The following DOCK8 variants were observed in gnomAD, a reference collection of about 807,000 sequenced individuals.
DOCK8 encodes dedicator of cytokinesis protein 8.
DOCK8 carries 141 observed loss-of-function variants against 245.6 expected under a neutral mutation model. The ratio of observed to expected loss-of-function variants is 0.57; its 90% confidence interval spans 0.50 to 0.66. The LOEUF (loss-of-function observed/expected upper bound fraction) is 0.66. Ranked by LOEUF, DOCK8 falls within the 30% of genes least tolerant of loss-of-function variation. DOCK8 has a pLI of 0.00. For missense variants in DOCK8, 2,965 were observed against 2,603.4 expected (o/e 1.14, Z -3.02); for synonymous variants, 1,168 against 970.2 (o/e 1.20, Z -3.79).
upstream of DOCK8, chr9:214,683 A>AG (rs1400744927): frequency 6.3e-7 from 1 of 1,582,578 alleles, no homozygotes; most frequent in African/African-American, 1.4e-5. Flanking sequence ...CCCCGGGCAG[A>AG]GCGCGCCGTC....
chr9:414,750 A>T, intron 28 of DOCK8, 32 bp from the exon 29 acceptor site: 12 of 1,614,064 alleles, frequency 7.4e-6, no homozygotes, highest in Non-Finnish European at 1.0e-5. Flanking sequence ...TCCTTTCACC[A>T]TAACCTCTTG....
At chr9:406,179 A>G (rs745652468) in intron 27 of DOCK8, among the ~76,000 whole-genome samples, 2 of 152,164 alleles carry the variant, frequency 1.3e-5, no homozygotes, top group African/African-American at 2.4e-5. Context: ...AAGTCTGACA[A>G]TGTGCTTAAG....
chr9:230,046 C>A (rs926868691), intron 1 of DOCK8, among the ~76,000 whole-genome samples: 4 of 146,226 alleles, frequency 2.7e-5, no homozygotes, highest in South Asian at 4.5e-4. Context: ...TAATGCTATC[C>A]CTCACCCCTC....
intron 5 of DOCK8, among the ~76,000 whole-genome samples, chr9:307,969 C>G (rs2049926845): frequency 6.6e-6 from 1 of 152,138 alleles, no homozygotes; most frequent in South Asian, 2.1e-4. Context: ...AAGACTAATA[C>G]TGCATGATCT....
At chr9:341,466 G>T (rs1210738524) in intron 14 of DOCK8, among the ~76,000 whole-genome samples, 2 of 152,178 alleles carry the variant, frequency 1.3e-5, no homozygotes, top group African/African-American at 2.4e-5. Context: ...AAATGACATT[G>T]TTGTTTTCTG....
At position 434,992 on chromosome 9, in the gene DOCK8, T is replaced by G. The variant is rs2056848290; in HGVS notation, c.5079+17T>G. 2 of 1,611,200 alleles carry G rather than the reference T, an allele frequency of 1.2e-6. No individual in the cohort carries two copies. Among genetic ancestry groups the G allele is most frequent in the Non-Finnish European group, 1.7e-6 (2 of 1,179,826 alleles). On this transcript the variant is annotated intron_variant, in intron 39 of 47. Transcript: ENST00000432829. ...AGCTTCCAGGTAGGGTGTGTGCAGC[T>G]TTTCCCTTAGAGCAGTGGTTCTCAA...
At chr9:306,813 G>T (rs1289503180) in intron 5 of DOCK8, among the ~76,000 whole-genome samples, 2 of 152,206 alleles carry the variant, frequency 1.3e-5, no homozygotes, top group African/African-American at 2.4e-5. Flanking sequence ...TCTAGGGGAA[G>T]ATCTTGGAGT....
intron 33 of DOCK8, among the ~76,000 whole-genome samples, chr9:425,920 G>A (rs184979886): frequency 1.3e-5 from 2 of 152,160 alleles, no homozygotes; most frequent in African/African-American, 4.8e-5. Flanking sequence ...AGTCCTCAGT[G>A]GTATGTAAGC....
Position 391,850 on chromosome 9 carries a change from G to GA in DOCK8, c.2970+1285dup, listed in dbSNP as rs369896215. On this transcript the variant is annotated intron_variant, in intron 24 of 47. Coordinates refer to ENST00000432829, the MANE Select transcript of DOCK8 (RefSeq NM_203447.4). ...TTTTTTTTTTTTTTTTTTTTAAAGA[G>GA]AGTCTAGGCTGGGTGTGGTGGCTCA... Among the ~76,000 whole-genome samples, 659 of 126,438 alleles carry GA rather than the reference G, an allele frequency of 5.2e-3. 5 individuals are homozygous for GA. Among genetic ancestry groups the GA allele is most frequent in the African/African-American group, 0.019 (629 of 33,546 alleles). 82.9% of individuals were successfully genotyped at this position (126,438 alleles called of 152,430 possible).
intron 28 of DOCK8, 124 bp from the exon 29 acceptor site, chr9:414,658 A>T (rs139007248): frequency 1.7e-5 from 20 of 1,160,084 alleles, no homozygotes; most frequent in Admixed American, 1.7e-4. Context: ...GTTCTATCCT[A>T]TATTGCTTGG....
intron 32 of DOCK8, among the ~76,000 whole-genome samples, 174 bp from the exon 33 acceptor site, chr9:421,874 G>A (rs538401002): frequency 5.9e-5 from 9 of 152,230 alleles, no homozygotes; most frequent in South Asian, 2.1e-4. Context: ...ATCAAAGAGC[G>A]GGCCAACTTG....
At chr9:384,860 A>G (rs144905773) in intron 22 of DOCK8, among the ~76,000 whole-genome samples, 2,128 of 152,210 alleles carry the variant, frequency 0.014, 57 homozygotes, top group African/African-American at 0.047. Flanking sequence ...AGCTTGCAGT[A>G]AGCCAAGATC....
Position 312,170 on chromosome 9 carries a change from G to T in DOCK8, c.741+4G>T, listed in dbSNP as rs1414140521. 2 of 1,613,884 alleles carry T rather than the reference G, an allele frequency of 1.2e-6. No individual in the cohort carries two copies. The highest frequency in any genetic ancestry group is 2.7e-5 in the African/African-American group (2 of 74,922). ...CCTTTACCCATCAGTGGACGAGGTG[G>T]GTGCCACTGTTTCCATACTGGAGAA... On this transcript the variant is annotated splice_donor_region_variant and intron_variant, in intron 6 of 47. Transcript: ENST00000432829.
At chr9:370,171 G>A in intron 15 of DOCK8, 59 bp from the exon 16 acceptor site, 2 of 1,400,210 alleles carry the variant, frequency 1.4e-6, no homozygotes, top group Non-Finnish European at 2.0e-6. Context: ...CCTGATGATA[G>A]TCAATTTGAT....
At chr9:261,519 T>C (rs925739922) in intron 1 of DOCK8, among the ~76,000 whole-genome samples, 3 of 152,222 alleles carry the variant, frequency 2.0e-5, no homozygotes, top group Non-Finnish European at 2.9e-5. Flanking sequence ...AGATTTGTTT[T>C]ATGGTCGGGG....
chr9:304,791 A>G lies in DOCK8; in HGVS notation c.528+87A>G, dbSNP rs114050848. The G allele has an allele frequency of 4.5e-4, 712 of 1,584,006 alleles. 4 individuals carry two copies. The African/African-American group carries it at 7.4e-3, about 16-fold the overall frequency. On this transcript the variant is annotated intron_variant, in intron 5 of 47. Transcript: ENST00000432829. Reference sequence around the variant, plus strand: ...TCAGTTTTACAAACTAGAATAAACGATAGACGCATAGAAAGTTTGAGTAGG... The same window carrying G: ...TCAGTTTTACAAACTAGAATAAACGGTAGACGCATAGAAAGTTTGAGTAGG...
intron 29 of DOCK8, among the ~76,000 whole-genome samples, chr9:415,412 A>T (rs2055948829): frequency 6.6e-6 from 1 of 152,232 alleles, no homozygotes. Flanking sequence ...ATATGTCAAT[A>T]TTAGAAAATT....
chr9:361,916 T>G (rs1312179058), intron 14 of DOCK8, among the ~76,000 whole-genome samples: 1 of 152,148 alleles, frequency 6.6e-6, no homozygotes, highest in Admixed American at 6.5e-5. Flanking sequence ...AAATTTTATT[T>G]TCTGCATTTT....
intron 2 of DOCK8, among the ~76,000 whole-genome samples, chr9:278,394 GA>G (rs1448371331): frequency 6.6e-6 from 1 of 152,212 alleles, no homozygotes; most frequent in East Asian, 1.9e-4. Flanking sequence ...ATTCGTTTTA[GA>G]AATATGTATT....
Sources: allele counts gnomAD v4.1 joint callset (sites outside exome capture counted in the v4.1 genomes callset), GRCh38; gene constraint gnomAD v4.1.1; transcripts MANE v1.5; gene names NCBI Gene and HGNC (gene_info 2026-07-23, HGNC 2026-07-21).